KIAA1328: variants seen among roughly 807,000 people sequenced by gnomAD.
KIAA1328 encodes KIAA1328, also known as protein hinderin.
KIAA1328 carries 52 observed loss-of-function variants against 68.1 expected under a neutral mutation model. That is an observed-to-expected ratio of 0.76 (90% CI 0.61 to 0.96). The LOEUF is 0.96. Among genes scored for constraint, KIAA1328 ranks in the 40% least tolerant of loss-of-function variants. KIAA1328 has a pLI of 0.00. For synonymous variants in KIAA1328, 232 were observed against 239.4 expected, an observed-to-expected ratio of 0.97 and a Z score of 0.28; for missense variants, 641 against 677.6, an observed-to-expected ratio of 0.95 and a Z score of 0.60.
At chr18:37,046,719 C>T (rs377500661) in intron 6 of KIAA1328, among the ~76,000 whole-genome samples, 49 of 152,212 alleles carry the variant, frequency 3.2e-4, no homozygotes, top group Admixed American at 8.5e-4. Flanking sequence ...CATTATTATC[C>T]GCAATAGATT....
chr18:37,112,048 C>T (rs887473255), intron 7 of KIAA1328, among the ~76,000 whole-genome samples: 20 of 152,276 alleles, frequency 1.3e-4, no homozygotes, highest in East Asian at 3.9e-4. Flanking sequence ...TGGAACCTAC[C>T]GCAGCTCAAG....
intron 9 of KIAA1328, among the ~76,000 whole-genome samples, chr18:37,199,030 C>T (rs2060057379): frequency 6.6e-6 from 1 of 152,148 alleles, no homozygotes; most frequent in Admixed American, 6.5e-5. Flanking sequence ...TTGGATTTCT[C>T]CAGTGTTGTG....
Position 37,061,110 on chromosome 18 carries a change from G to A in KIAA1328, c.577-5780G>A, listed in dbSNP as rs142158337. ...AGCCTGGGCGACAGAGCAAGACTCC[G>A]TCTCAAAAAAAAAGAGAAAGAAAAA... On this transcript the variant is annotated intron_variant, in intron 6 of 9. Transcript: ENST00000280020. Among the ~76,000 whole-genome samples the A allele has an allele frequency of 3.3e-4, 50 of 151,788 alleles. No homozygotes were observed. The East Asian group carries it at 7.2e-3, about 22-fold the overall frequency.
chr18:36,877,091 T>C (rs2048152826), intron 4 of KIAA1328, among the ~76,000 whole-genome samples: 1 of 152,186 alleles, frequency 6.6e-6, no homozygotes, highest in Non-Finnish European at 1.5e-5. Context: ...GTGTTTTACT[T>C]CCAATTATGT....
At chr18:37,217,006 C>CTTTTTTTTTTTTTTTTTTT (rs2060456017) in intron 9 of KIAA1328, among the ~76,000 whole-genome samples, 1 of 63,640 alleles carries the variant, frequency 1.6e-5, no homozygotes, top group African/African-American at 8.4e-5. Context: ...TTTTTTTTTG[C>CTTTTTTTTTTTTTTTTTTT]TTTCCATTTG....
intron 1 of KIAA1328, among the ~76,000 whole-genome samples, chr18:36,830,968 A>G (rs536141440): frequency 1.3e-5 from 2 of 152,344 alleles, no homozygotes; most frequent in African/African-American, 4.8e-5. Flanking sequence ...TCCATAGAGA[A>G]TGTCACTGTA....
intron 5 of KIAA1328, among the ~76,000 whole-genome samples, chr18:36,936,677 G>A (rs907253698): frequency 1.3e-5 from 2 of 152,134 alleles, no homozygotes; most frequent in Non-Finnish European, 2.9e-5. Context: ...CTAGACCCTT[G>A]AGGAATCGCC....
chr18:37,109,746 CCTTTGTT>C (rs770519550), intron 7 of KIAA1328, among the ~76,000 whole-genome samples: 4 of 152,096 alleles, frequency 2.6e-5, no homozygotes, highest in Non-Finnish European at 5.9e-5. Context: ...TGGTTCTCAG[CCTTTGTT>C]CTAACATACT....
intron 6 of KIAA1328, among the ~76,000 whole-genome samples, chr18:36,965,033 G>A (rs982328214): frequency 6.6e-6 from 1 of 152,024 alleles, no homozygotes; most frequent in African/African-American, 2.4e-5. Flanking sequence ...GAAAGCCTAG[G>A]CAGCATTTTG....
chr18:36,835,392 G>A lies in KIAA1328; in HGVS notation c.237+16G>A, dbSNP rs201881677. On this transcript the variant is annotated intron_variant, in intron 3 of 9. Transcript: ENST00000280020. ...AGATGAACAGGTTAGTATTTTTTTC[G>A]TCTTTTTTTTTCCTTGCTCTCCAGT... 91 of 1,600,230 alleles carry A rather than the reference G, an allele frequency of 5.7e-5. 1 individual carries two copies. Among genetic ancestry groups the A allele is most frequent in the Admixed American group, 3.1e-4 (18 of 57,198 alleles).
At chr18:37,078,489 T>C (rs1278257999) in intron 7 of KIAA1328, among the ~76,000 whole-genome samples, 1 of 149,780 alleles carries the variant, frequency 6.7e-6, no homozygotes, top group Non-Finnish European at 1.5e-5. Flanking sequence ...GGGATCTAAT[T>C]AAACTAAAGA....
chr18:36,914,710 ACT>A (rs1179079671), intron 5 of KIAA1328, among the ~76,000 whole-genome samples: 9 of 152,084 alleles, frequency 5.9e-5, no homozygotes, highest in Non-Finnish European at 1.0e-4. Context: ...AAAGAGGGAA[ACT>A]CTGTCTCATT....
At chr18:37,078,922 C>T (rs1229921810) in intron 7 of KIAA1328, among the ~76,000 whole-genome samples, 14 of 151,916 alleles carry the variant, frequency 9.2e-5, no homozygotes, top group East Asian at 7.7e-4. Context: ...GTCAGTGTGG[C>T]GATTCCTCAG....
At chr18:37,216,994 G>GTTTTTTTTTTTTTTT (rs1203023071) in intron 9 of KIAA1328, among the ~76,000 whole-genome samples, 1 of 29,398 alleles carries the variant, frequency 3.4e-5, no homozygotes, top group Non-Finnish European at 6.3e-5. Flanking sequence ...TTTTTTGTTT[G>GTTTTTTTTTTTTTTT]TTTTTTTTTT....
At chr18:37,216,263 G>A (rs530473596) in intron 9 of KIAA1328, among the ~76,000 whole-genome samples, 2 of 152,048 alleles carry the variant, frequency 1.3e-5, no homozygotes, top group Admixed American at 6.6e-5. Context: ...GATCTTTCCT[G>A]CTTTCTCTTG....
At chr18:37,149,679 AC>A (rs2058984474) in intron 7 of KIAA1328, among the ~76,000 whole-genome samples, 1 of 152,180 alleles carries the variant, frequency 6.6e-6, no homozygotes, top group Non-Finnish European at 1.5e-5. Context: ...TTGTGGGACC[AC>A]TGTCATATAT....
At chr18:37,075,826 C>G (rs1599170941) in intron 7 of KIAA1328, among the ~76,000 whole-genome samples, 2 of 152,298 alleles carry the variant, frequency 1.3e-5, no homozygotes, top group East Asian at 3.9e-4. Context: ...CACCCAGATT[C>G]ATAAAGCAAG....
At chr18:37,214,742 G>A (rs956202196) in intron 9 of KIAA1328, among the ~76,000 whole-genome samples, 1 of 152,288 alleles carries the variant, frequency 6.6e-6, no homozygotes. Flanking sequence ...ACCTTGGGCA[G>A]TATGGCCATT....
chr18:37,226,797 C>A (rs139141044), downstream of KIAA1328, among the ~76,000 whole-genome samples: 1 of 115,044 alleles, frequency 8.7e-6, no homozygotes, highest in Non-Finnish European at 1.7e-5. Context: ...GACAGAGTTT[C>A]GTTCTTGTTG....
Sources: gnomAD v4.1 joint callset for allele counts (sites outside exome capture counted in the v4.1 genomes callset) on GRCh38, gnomAD v4.1.1 for gene constraint, MANE v1.5 for transcripts, NCBI Gene and HGNC (gene_info 2026-07-23, HGNC 2026-07-21) for gene names.